Variants in GRIA1 observed in about 807,000 individuals in gnomAD.
GRIA1 encodes the protein glutamate receptor 1.
A neutral mutation model predicts 99.2 loss-of-function variants in GRIA1; 31 were observed. The ratio of observed to expected loss-of-function variants is 0.31; its 90% confidence interval spans 0.23 to 0.42. The LOEUF is 0.42. GRIA1 is among the 10% of genes least tolerant of loss of function. The pLI is 1.00. For missense variants in GRIA1, 782 were observed against 1,157.5 expected (o/e 0.68, Z 4.71); for synonymous variants, 438 against 432.4 (o/e 1.01, Z -0.16).
At chr5:153,494,250 C>A in intron 2 of GRIA1, 185 bp downstream of exon 2, 1 of 594,942 alleles carries the variant, frequency 1.7e-6, no homozygotes. Context: ...TTAGCCCCTG[C>A]AATGCTTCAT....
intron 4 of GRIA1, among the ~76,000 whole-genome samples, chr5:153,652,683 A>C (rs1195753694): frequency 6.6e-6 from 1 of 152,218 alleles, no homozygotes; most frequent in Non-Finnish European, 1.5e-5. Flanking sequence ...ATTTTTTAAA[A>C]TTGTTTCATT....
chr5:153,748,485 T>C (rs1268865770), intron 11 of GRIA1, among the ~76,000 whole-genome samples: 2 of 152,156 alleles, frequency 1.3e-5, no homozygotes, highest in African/African-American at 4.8e-5. Context: ...GGTAGAATAT[T>C]TGGATTTTAT....
chr5:153,637,032 T>G (rs998412889), intron 2 of GRIA1, among the ~76,000 whole-genome samples: 1 of 152,092 alleles, frequency 6.6e-6, no homozygotes, highest in Non-Finnish European at 1.5e-5. Context: ...ATGCATGAAA[T>G]AGGAAAAAGA....
intron 2 of GRIA1, among the ~76,000 whole-genome samples, chr5:153,512,942 T>C (rs1053594125): frequency 6.6e-6 from 1 of 152,180 alleles, no homozygotes; most frequent in African/African-American, 2.4e-5. Flanking sequence ...ATACTTGCTC[T>C]TTCTCTTTTT....
At chr5:153,583,717 A>G (rs1021984265) in intron 2 of GRIA1, among the ~76,000 whole-genome samples, 2 of 152,132 alleles carry the variant, frequency 1.3e-5, no homozygotes, top group African/African-American at 2.4e-5. Context: ...ATGACATGAC[A>G]TGGGGTATGG....
At chr5:153,766,313 G>A (rs1424484868) in intron 12 of GRIA1, among the ~76,000 whole-genome samples, 2 of 152,204 alleles carry the variant, frequency 1.3e-5, no homozygotes, top group South Asian at 4.2e-4. Context: ...TTTTTAGCCT[G>A]CAACAAAAGT....
chr5:153,519,772 C>T (rs1389098751), intron 2 of GRIA1, among the ~76,000 whole-genome samples: 1 of 152,068 alleles, frequency 6.6e-6, no homozygotes, highest in Non-Finnish European at 1.5e-5. Flanking sequence ...GACCATATTG[C>T]CATGTGTTGA....
At position 153,495,143 on chromosome 5, in the gene GRIA1, C is replaced by T. The variant is rs527537066; in HGVS notation, c.220+1078C>T. Reference sequence around the variant, plus strand: ...TCCTAAAATAATGTTGTTACAAATTCCAAGAACTATAATTATAGCAGATTT... The same window carrying T: ...TCCTAAAATAATGTTGTTACAAATTTCAAGAACTATAATTATAGCAGATTT... On this transcript the variant is annotated intron_variant, in intron 2 of 15. Coordinates refer to ENST00000285900, the MANE Select transcript of GRIA1 (RefSeq NM_000827.4). Among the ~76,000 whole-genome samples the T allele has an allele frequency of 3.9e-5, 6 of 152,280 alleles. No individual in the cohort carries two copies. In the South Asian group the frequency reaches 1.2e-3, roughly 32 times the overall value.
At chr5:153,534,436 C>T (rs990263640) in intron 2 of GRIA1, among the ~76,000 whole-genome samples, 1 of 152,132 alleles carries the variant, frequency 6.6e-6, no homozygotes, top group Non-Finnish European at 1.5e-5. Context: ...CTAGGGAAAG[C>T]AAAACGGCCA....
At chr5:153,610,258 T>C (rs745996244) in intron 2 of GRIA1, among the ~76,000 whole-genome samples, 5 of 152,170 alleles carry the variant, frequency 3.3e-5, no homozygotes, top group Non-Finnish European at 7.3e-5. Context: ...ACTGCCAGCA[T>C]AAGGAGTGTT....
chr5:153,731,958 C>G (rs1269194825), intron 11 of GRIA1, among the ~76,000 whole-genome samples: 1 of 152,048 alleles, frequency 6.6e-6, no homozygotes, highest in Non-Finnish European at 1.5e-5. Context: ...GTAAGTTTGA[C>G]TTTTTGAGAT....
chr5:153,703,096 C>A (rs996540252), intron 10 of GRIA1, among the ~76,000 whole-genome samples: 1 of 152,126 alleles, frequency 6.6e-6, no homozygotes, highest in African/African-American at 2.4e-5. Context: ...CAATATTAAC[C>A]AAGCTAAAAT....
chr5:153,786,443 C>T (rs1764968480), intron 13 of GRIA1, among the ~76,000 whole-genome samples: 1 of 151,664 alleles, frequency 6.6e-6, no homozygotes, highest in Non-Finnish European at 1.5e-5. Flanking sequence ...CTGATACAGT[C>T]TTTCATGAAC....
At chr5:153,491,036 G>T (rs925943465) in intron 1 of GRIA1, 66 bp downstream of exon 1, 1 of 1,423,294 alleles carries the variant, frequency 7.0e-7, no homozygotes, top group African/African-American at 1.4e-5. Context: ...TGGGGATAGG[G>T]GTTGTGTACC....
chr5:153,537,581 G>A lies in GRIA1; in HGVS notation c.220+43516G>A, dbSNP rs80194271. ...GAAAGGTGATTCACAGAAATAAATT[G>A]CATTGTGTTTTAGGTCCATAGCAAT... On this transcript the variant is annotated intron_variant, in intron 2 of 15. Coordinates refer to ENST00000285900, the MANE Select transcript of GRIA1 (RefSeq NM_000827.4). Among the ~76,000 whole-genome samples the A allele has an allele frequency of 1.6e-3, 250 of 152,262 alleles. 1 individual carries two copies. Among genetic ancestry groups the A allele is most frequent in the African/African-American group, 5.7e-3 (236 of 41,544 alleles).
intron 13 of GRIA1, among the ~76,000 whole-genome samples, 155 bp downstream of exon 13, chr5:153,770,570 C>A (rs1763811911): frequency 6.6e-6 from 1 of 152,168 alleles, no homozygotes; most frequent in Non-Finnish European, 1.5e-5. Context: ...TCCAGCCACC[C>A]AAGATCTTCA....
chr5:153,737,683 G>A (rs1761477951), intron 11 of GRIA1, among the ~76,000 whole-genome samples: 1 of 152,106 alleles, frequency 6.6e-6, no homozygotes, highest in Non-Finnish European at 1.5e-5. Flanking sequence ...TTTGCAAAAA[G>A]TGTCCGTATT....
intron 1 of GRIA1, chr5:153,492,055 C>T: frequency 8.7e-7 from 1 of 1,143,066 alleles, no homozygotes; most frequent in Non-Finnish European, 1.2e-6. Flanking sequence ...TTGGAAGCAT[C>T]TTCGTTGGTT....
In GRIA1 at chr5:153,752,744, C is replaced by T. The variant is rs1762581008; in HGVS notation, c.1824-11690C>T. 2.6e-5 allele frequency among the ~76,000 whole-genome samples: 4 copies of T among 152,108 alleles called. No homozygotes were observed. The South Asian group carries it at 8.3e-4, about 32-fold the overall frequency. On this transcript the variant is annotated intron_variant, in intron 11 of 15. Transcript: ENST00000285900. The stretch of plus-strand genomic sequence containing the variant: ...TATGGTACTCACAATCCTAGAGATT[C>T]CTGTCTCCTGGTTCTTCAACCAAAC...
Sources: allele counts gnomAD v4.1 joint callset (sites outside exome capture counted in the v4.1 genomes callset), GRCh38; gene constraint gnomAD v4.1.1; transcripts MANE v1.5; gene names NCBI Gene and HGNC (gene_info 2026-07-23, HGNC 2026-07-21).